The following MGAT5 variants were observed in gnomAD, a reference collection of about 807,000 sequenced individuals.
MGAT5 encodes the protein alpha-1,6-mannosylglycoprotein 6-beta-N-acetylglucosaminyltransferase.
A neutral mutation model predicts 94.3 loss-of-function variants in MGAT5; 30 were observed. The observed-to-expected ratio is 0.32, with a 90% confidence interval of 0.24 to 0.43. The LOEUF is 0.43. MGAT5 is among the 20% of genes least tolerant of loss of function. MGAT5 has a pLI of 1.00. For synonymous variants in MGAT5, 310 were observed against 322.9 expected, an observed-to-expected ratio of 0.96 and a Z score of 0.43; for missense variants, 691 against 905.5, an observed-to-expected ratio of 0.76 and a Z score of 3.04.
At chr2:134,160,174 A>T (rs1258539504) in intron 1 of MGAT5, among the ~76,000 whole-genome samples, 1 of 131,482 alleles carries the variant, frequency 7.6e-6, no homozygotes, top group African/African-American at 3.7e-5. Flanking sequence ...TAATTTTTTT[A>T]TTATTATTAT....
chr2:134,290,921 T>A (rs192924288), intron 2 of MGAT5, among the ~76,000 whole-genome samples: 279 of 152,338 alleles, frequency 1.8e-3, no homozygotes, highest in African/African-American at 6.5e-3. Context: ...TGTGACTCAG[T>A]AAGTGCTTAT....
chr2:134,369,356 C>G (rs1680636629), intron 10 of MGAT5, among the ~76,000 whole-genome samples: 1 of 152,126 alleles, frequency 6.6e-6, no homozygotes, highest in Non-Finnish European at 1.5e-5. Flanking sequence ...TTTTCTAAAC[C>G]TCTTGTGAGA....
intron 4 of MGAT5, among the ~76,000 whole-genome samples, chr2:134,329,755 G>A (rs1250911370): frequency 6.6e-6 from 1 of 151,938 alleles, no homozygotes; most frequent in Non-Finnish European, 1.5e-5. Context: ...CTAGTACATC[G>A]CAACTTTTAT....
At chr2:134,120,239 T>C (rs1340222761) in exon 1 of MGAT5, 2 of 372,600 alleles carry the variant, frequency 5.4e-6, no homozygotes, top group African/African-American at 4.2e-5. Flanking sequence ...TCGGGCCGCG[T>C]GGGCACGGCG....
intron 1 of MGAT5, among the ~76,000 whole-genome samples, chr2:134,201,653 G>C (rs980002972): frequency 6.6e-6 from 1 of 152,022 alleles, no homozygotes; most frequent in Admixed American, 6.6e-5. Context: ...GTGCTTGTCA[G>C]ATCCTCCACG....
chr2:134,172,851 A>G (rs1311874993), intron 1 of MGAT5, among the ~76,000 whole-genome samples: 1 of 152,262 alleles, frequency 6.6e-6, no homozygotes, highest in Non-Finnish European at 1.5e-5. Flanking sequence ...TGGGGTCAAC[A>G]GAATGAAACA....
chr2:134,283,645 C>CTTTTTTT lies in MGAT5; in HGVS notation c.406+13117_406+13123dup, dbSNP rs35922830. Among the ~76,000 whole-genome samples, 3 of 69,086 alleles carry CTTTTTTT rather than the reference C, an allele frequency of 4.3e-5. 1 individual carries two copies. Among genetic ancestry groups the CTTTTTTT allele is most frequent in the African/African-American group, 2.1e-4 (3 of 14,490 alleles). The allele number at this position is 69,086 out of a possible 152,430, so 45.3% of individuals were successfully genotyped here. The stretch of plus-strand genomic sequence containing the variant: ...AAGCCATTGTTGAGGAATGTAGTAT[C>CTTTTTTT]TTTTTTTTTTTTTTTTTTTTTTTTT... On this transcript the variant is annotated intron_variant, in intron 2 of 15. Coordinates refer to ENST00000281923, the MANE Select transcript of MGAT5 (RefSeq NM_002410.5).
chr2:134,169,306 G>A (rs1200709710), intron 1 of MGAT5, among the ~76,000 whole-genome samples: 1 of 151,982 alleles, frequency 6.6e-6, no homozygotes, highest in Non-Finnish European at 1.5e-5. Flanking sequence ...TTGGGAGGCC[G>A]AGGCAGGAGG....
rs59933611 is a variant in MGAT5 at position 134,334,496 on chromosome 2, C to CTTTTTTTTTTTTTTTTTTTTTTTTTTTTT, written c.574-1698_574-1697insTTTTTTTTTTTTTTTTTTTTTTTTTTTTT. On this transcript the variant is annotated intron_variant, in intron 4 of 15. Transcript: ENST00000281923. ...CAAATCTCTACTTTCCTTGCTCATCCTTTTTTTTTTTTTTTTTTTTTTTGC... is the reference window on the plus strand; with the variant it reads ...CAAATCTCTACTTTCCTTGCTCATCCTTTTTTTTTTTTTTTTTTTTTTTTTTTTTTTTTTTTTTTTTTTTTTTTTTTTGC... 8.8e-5 allele frequency among the ~76,000 whole-genome samples: 3 copies of CTTTTTTTTTTTTTTTTTTTTTTTTTTTTT among 34,108 alleles called. 1 individual carries two copies. Among genetic ancestry groups the CTTTTTTTTTTTTTTTTTTTTTTTTTTTTT allele is most frequent in the East Asian group, 1.1e-3 (1 of 938 alleles). 22.4% of individuals were successfully genotyped at this position (34,108 alleles called of 152,430 possible).
intron 10 of MGAT5, among the ~76,000 whole-genome samples, chr2:134,365,341 G>C (rs1456154608): frequency 1.3e-5 from 2 of 152,176 alleles, no homozygotes. Context: ...CCCTGGAGTT[G>C]TCCTCTGACC....
intron 3 of MGAT5, 104 bp from the exon 4 acceptor site, chr2:134,318,546 C>A: frequency 3.5e-6 from 3 of 855,504 alleles, no homozygotes; most frequent in Non-Finnish European, 3.9e-6. Flanking sequence ...TAGGCCACAG[C>A]TTGAGCCATT....
intron 1 of MGAT5, among the ~76,000 whole-genome samples, chr2:134,212,678 G>A (rs955870807): frequency 3.9e-5 from 6 of 152,142 alleles, no homozygotes; most frequent in Admixed American, 6.5e-5. Flanking sequence ...TGGAAATTTG[G>A]GACAGCTCCA....
At chr2:134,423,537 G>A (rs1480664672) in intron 13 of MGAT5, among the ~76,000 whole-genome samples, 1 of 152,154 alleles carries the variant, frequency 6.6e-6, no homozygotes, top group Non-Finnish European at 1.5e-5. Context: ...GACGAGTTCA[G>A]TTATCCTTTC....
chr2:134,168,661 T>G (rs1688062831), intron 1 of MGAT5, among the ~76,000 whole-genome samples: 1 of 152,206 alleles, frequency 6.6e-6, no homozygotes, highest in Admixed American at 6.5e-5. Context: ...TTGAAAGACT[T>G]AAAGTTTATA....
chr2:134,368,887 C>G (rs75677369), intron 10 of MGAT5, among the ~76,000 whole-genome samples: 1,943 of 152,294 alleles, frequency 0.013, 33 homozygotes, highest in African/African-American at 0.043. Context: ...TGCTGCCTGT[C>G]CTGCTCACCC....
intron 1 of MGAT5, among the ~76,000 whole-genome samples, chr2:134,185,753 C>T (rs1380538362): frequency 6.6e-6 from 1 of 152,196 alleles, no homozygotes; most frequent in African/African-American, 2.4e-5. Flanking sequence ...TGCTTATCTG[C>T]CAGTGAGTAC....
intron 2 of MGAT5, among the ~76,000 whole-genome samples, chr2:134,307,618 C>T (rs1440930111): frequency 6.6e-6 from 1 of 152,012 alleles, no homozygotes; most frequent in African/African-American, 2.4e-5. Flanking sequence ...CCTTTCCAAC[C>T]GTATTTCTTA....
chr2:134,187,335 G>T (rs769091514), intron 1 of MGAT5, among the ~76,000 whole-genome samples: 1 of 152,190 alleles, frequency 6.6e-6, no homozygotes, highest in Non-Finnish European at 1.5e-5. Context: ...AGGAAGGTAT[G>T]ACAATCTTCC....
rs1683144298 is a variant in MGAT5, at chr2:134,403,052, C to T, written c.1445C>T (p.Ser482Phe). Residue 482 changes from serine (S) to phenylalanine (F), a missense_variant, in exon 11 of 16, where the codon TCC (serine) becomes TTC (phenylalanine). Transcript: ENST00000281923. Reference sequence around the variant, plus strand: ...GAAGTGCATGCAACTGTTTATGGCTCCAGCACAAAGAATATTCCCAGTTAC... The same window carrying T: ...GAAGTGCATGCAACTGTTTATGGCTTCAGCACAAAGAATATTCCCAGTTAC... ...YMEVHATVYG[S>F]STKNIPSYVK... The T allele has an allele frequency of 6.2e-7, 1 of 1,612,762 alleles. No homozygotes were observed. The highest frequency in any genetic ancestry group is 8.5e-7 in the Non-Finnish European group (1 of 1,179,786).
Sources: gnomAD v4.1 joint callset for allele counts (sites outside exome capture counted in the v4.1 genomes callset) on GRCh38, gnomAD v4.1.1 for gene constraint, MANE v1.5 for transcripts, NCBI Gene and HGNC (gene_info 2026-07-23, HGNC 2026-07-21) for gene names.